PPHLN1: variants seen among roughly 807,000 people sequenced by gnomAD.
PPHLN1 encodes periphilin-1.
PPHLN1 carries 29 observed loss-of-function variants against 51.3 expected under a neutral mutation model. The observed-to-expected ratio is 0.57, with a 90% CI of 0.42 to 0.77. PPHLN1 has a LOEUF of 0.77. Among genes scored for constraint, PPHLN1 ranks in the 30% least tolerant of loss-of-function variants. The pLI, the probability that PPHLN1 is intolerant of heterozygous loss-of-function variation, is 0.00. For missense variants in PPHLN1, 436 were observed against 438.4 expected (o/e 0.99, Z 0.05); for synonymous variants, 147 against 147.8 (o/e 0.99, Z 0.04).
At chr12:42,383,573 T>G (rs2076932788) in intron 5 of PPHLN1, among the ~76,000 whole-genome samples, 1 of 152,268 alleles carries the variant, frequency 6.6e-6, no homozygotes, top group Non-Finnish European at 1.5e-5. Flanking sequence ...CTCTGAACAG[T>G]TGCTATAGGT....
chr12:42,421,402 A>G (rs192142181), intron 9 of PPHLN1, among the ~76,000 whole-genome samples: 2 of 152,278 alleles, frequency 1.3e-5, no homozygotes, highest in East Asian at 1.9e-4. Context: ...GCTGGAGTAC[A>G]GTGGTCCGTT....
chr12:42,345,902 A>AT (rs2072244954), intron 2 of PPHLN1, among the ~76,000 whole-genome samples: 1 of 150,060 alleles, frequency 6.7e-6, no homozygotes, highest in African/African-American at 2.5e-5. Flanking sequence ...TTTTCTTTCC[A>AT]TTTTTTATTT....
intron 4 of PPHLN1, among the ~76,000 whole-genome samples, chr12:42,366,221 A>C: frequency 7.6e-6 from 1 of 131,720 alleles, no homozygotes; most frequent in African/African-American, 3.0e-5. Context: ...CTAGTACCGG[A>C]CACTTTTTTT....
chr12:42,342,266 T>C (rs2071626264), intron 2 of PPHLN1, among the ~76,000 whole-genome samples: 1 of 152,198 alleles, frequency 6.6e-6, no homozygotes, highest in Non-Finnish European at 1.5e-5. Context: ...TTCGTTCATA[T>C]GTACATACAC....
intron 2 of PPHLN1, 104 bp downstream of exon 2, chr12:42,336,078 T>C: frequency 1.5e-6 from 1 of 672,390 alleles, no homozygotes; most frequent in Non-Finnish European, 2.3e-6. Context: ...GTCAGAAATT[T>C]ACCAGTGTAG....
intron 2 of PPHLN1, among the ~76,000 whole-genome samples, chr12:42,339,494 C>T (rs146362169): frequency 2.0e-3 from 302 of 152,272 alleles, no homozygotes; most frequent in Non-Finnish European, 2.7e-3. Context: ...TGTGTTACAC[C>T]TGCATCTTAG....
intron 5 of PPHLN1, among the ~76,000 whole-genome samples, chr12:42,376,260 A>G (rs1325071563): frequency 6.6e-6 from 1 of 152,158 alleles, no homozygotes; most frequent in African/African-American, 2.4e-5. Context: ...TTTTCAAATA[A>G]TAAGAGTTTT....
intron 1 of PPHLN1, among the ~76,000 whole-genome samples, chr12:42,330,095 G>A (rs1381367264): frequency 1.3e-5 from 2 of 152,220 alleles, no homozygotes; most frequent in Non-Finnish European, 2.9e-5. Context: ...ATGCCTGGAT[G>A]TGCACATAGG....
chr12:42,348,070 G>A (rs996701997), intron 2 of PPHLN1, among the ~76,000 whole-genome samples: 5 of 151,864 alleles, frequency 3.3e-5, no homozygotes, highest in African/African-American at 4.8e-5. Flanking sequence ...AGCTGTCATT[G>A]AATTTTTGTT....
chr12:42,398,348 A>G (rs1011027889), intron 8 of PPHLN1, among the ~76,000 whole-genome samples: 8 of 152,124 alleles, frequency 5.3e-5, no homozygotes, highest in South Asian at 4.1e-4. Context: ...TTCCCTTTAA[A>G]TATATTTCTT....
At chr12:42,348,668 T>TAA (rs2072740949) in intron 2 of PPHLN1, among the ~76,000 whole-genome samples, 1 of 152,166 alleles carries the variant, frequency 6.6e-6, no homozygotes, top group South Asian at 2.1e-4. Flanking sequence ...TCCCTCCAAA[T>TAA]AATCGTATAC....
At chr12:42,331,599 C>T (rs1427034653) in intron 1 of PPHLN1, among the ~76,000 whole-genome samples, 1 of 152,146 alleles carries the variant, frequency 6.6e-6, no homozygotes, top group Non-Finnish European at 1.5e-5. Flanking sequence ...ATTAAACATA[C>T]CGTCTTCATT....
chr12:42,391,170 T>C (rs1287772930), intron 7 of PPHLN1, among the ~76,000 whole-genome samples: 1 of 152,174 alleles, frequency 6.6e-6, no homozygotes, highest in Non-Finnish European at 1.5e-5. Context: ...TTTCAGAGTT[T>C]GTTAGTTTCA....
chr12:42,446,088 C>CGCAGCCCCT (rs761718021), downstream of PPHLN1: 45 of 1,551,576 alleles, frequency 2.9e-5, no homozygotes, highest in East Asian at 3.7e-4. Flanking sequence ...CCGCAGGCCC[C>CGCAGCCCCT]GCAGCCCCTG....
At chr12:42,365,107 T>C (rs574013524) in intron 4 of PPHLN1, among the ~76,000 whole-genome samples, 1 of 152,304 alleles carries the variant, frequency 6.6e-6, no homozygotes, top group East Asian at 1.9e-4. Context: ...GATTTTTTGA[T>C]AGGATAGAAG....
rs112008538 is a variant in PPHLN1, at chr12:42,327,421, T to C, written c.-21+1192T>C. ...TAAAGGTTGGGCATGGCTGTAGCCA[T>C]GTTGAACGGATTTCAATTCCTCAGA... On this transcript the variant is annotated intron_variant, in intron 1 of 9. Coordinates refer to ENST00000358314, the MANE Select transcript of PPHLN1 (RefSeq NM_201439.2). Among the ~76,000 whole-genome samples the C allele has an allele frequency of 3.5e-3, 534 of 152,350 alleles. 4 individuals are homozygous for C. The highest frequency in any genetic ancestry group is 0.012 in the African/African-American group (500 of 41,578).
chr12:42,415,520 A>G (rs1433362049), intron 9 of PPHLN1, among the ~76,000 whole-genome samples: 1 of 152,110 alleles, frequency 6.6e-6, no homozygotes, highest in African/African-American at 2.4e-5. Context: ...TTTCTCATTC[A>G]TCTTTTCACA....
At chr12:42,385,131 A>G in intron 6 of PPHLN1, 135 bp downstream of exon 6, 1 of 896,746 alleles carries the variant, frequency 1.1e-6, no homozygotes, top group Middle Eastern at 2.2e-4. Context: ...CAGTAGACCT[A>G]GGTACTAGGA....
At chr12:42,410,936 C>T (rs1432625078) in intron 9 of PPHLN1, among the ~76,000 whole-genome samples, 3 of 152,044 alleles carry the variant, frequency 2.0e-5, no homozygotes, top group East Asian at 1.9e-4. Context: ...TGCAGTTTCA[C>T]CATAATGTAT....
Sources: gnomAD v4.1 joint callset for allele counts (sites outside exome capture counted in the v4.1 genomes callset) on GRCh38, gnomAD v4.1.1 for gene constraint, MANE v1.5 for transcripts, NCBI Gene and HGNC (gene_info 2026-07-23, HGNC 2026-07-21) for gene names.